The following NAA60 variants were observed in gnomAD, a reference collection of about 807,000 sequenced individuals.
NAA60 encodes the protein N-alpha-acetyltransferase 60, NatF catalytic subunit.
A neutral mutation model predicts 26.1 loss-of-function variants in NAA60; 8 were observed. The observed-to-expected ratio is 0.31, with a 90% CI of 0.18 to 0.55. The LOEUF (loss-of-function observed/expected upper bound fraction) is 0.55. Among genes scored for constraint, NAA60 ranks in the 20% least tolerant of loss-of-function variants. The probability of loss-of-function intolerance (pLI) is 0.93; values close to 1 mark genes in which losing one functional copy is unlikely to be tolerated. For synonymous variants in NAA60, 131 were observed against 122.5 expected (o/e 1.07, Z -0.46); for missense variants, 290 against 311.3 (o/e 0.93, Z 0.51).
intron 1 of NAA60, chr16:3,447,363 T>C (rs777831948): frequency 2.5e-4 from 134 of 536,580 alleles, no homozygotes; most frequent in Non-Finnish European, 3.1e-4. Flanking sequence ...ATGAAATATT[T>C]TGATGCAGGC....
chr16:3,474,539 A>T (rs954306205), intron 2 of NAA60, among the ~76,000 whole-genome samples: 1 of 152,196 alleles, frequency 6.6e-6, no homozygotes, highest in Non-Finnish European at 1.5e-5. Context: ...TTGTGCAGAA[A>T]CCTGGACAGT....
chr16:3,459,179 A>G (rs1284102270), intron 2 of NAA60, among the ~76,000 whole-genome samples: 1 of 152,206 alleles, frequency 6.6e-6, no homozygotes, highest in Non-Finnish European at 1.5e-5. Context: ...CCGTGTACAG[A>G]TGTTTGCCTT....
Position 3,484,780 on chromosome 16 carries a change from C to G in NAA60, c.654C>G (p.His218Gln), listed in dbSNP as rs34464545. ...SIPHRVYRQA[H>Q]SLLCSFLPWS... ...CGCACAGAGTCTACCGCCAGGCCCA[C>G]AGCCTGCTCTGCAGCTTCCTGCCAT... The change falls in exon 7 of 8, where the codon CAC (histidine) becomes CAG (glutamine). Residue 218 changes from histidine (H) to glutamine (Q), a missense_variant. Coordinates refer to ENST00000407558, the MANE Select transcript of NAA60 (RefSeq NM_001083601.3). The G allele has an allele frequency of 2.4e-3, 3,834 of 1,587,886 alleles. 75 individuals are homozygous for G. In the African/African-American group the frequency reaches 0.045, roughly 19 times the overall value.
At chr16:3,461,219 C>G (rs934098742) in intron 2 of NAA60, among the ~76,000 whole-genome samples, 8 of 150,120 alleles carry the variant, frequency 5.3e-5, no homozygotes, top group African/African-American at 1.7e-4. Flanking sequence ...GCTATGAACA[C>G]TAAGGCATTT....
intron 2 of NAA60, among the ~76,000 whole-genome samples, chr16:3,467,407 G>A (rs1265089678): frequency 6.6e-6 from 1 of 152,132 alleles, no homozygotes; most frequent in Non-Finnish European, 1.5e-5. Flanking sequence ...GGTCATGGAT[G>A]GAGGCCAGGA....
At chr16:3,469,052 C>T (rs1323698895) in intron 2 of NAA60, among the ~76,000 whole-genome samples, 1 of 151,030 alleles carries the variant, frequency 6.6e-6, no homozygotes, top group Non-Finnish European at 1.5e-5. Context: ...TGCCACTGCA[C>T]TCCAGCCTGG....
At chr16:3,463,345 A>C (rs1304903867) in intron 2 of NAA60, among the ~76,000 whole-genome samples, 1 of 151,640 alleles carries the variant, frequency 6.6e-6, no homozygotes. Flanking sequence ...CTCTGGAGTT[A>C]GAGACCAGCC....
intron 2 of NAA60, chr16:3,468,282 G>T (rs1232411186): frequency 6.6e-6 from 1 of 152,222 alleles, no homozygotes; most frequent in Non-Finnish European, 1.5e-5. Flanking sequence ...TAGAAAAGCA[G>T]GTCGGTGTGA....
chr16:3,474,135 T>G (rs1297364597), intron 2 of NAA60, among the ~76,000 whole-genome samples: 1 of 152,110 alleles, frequency 6.6e-6, no homozygotes, highest in Non-Finnish European at 1.5e-5. Flanking sequence ...TAGAGAGGCT[T>G]CTCCCTATAA....
rs946411575 is a variant in NAA60, at chr16:3,485,917, C to T, written c.*657C>T. 1 of 348,622 alleles carries T rather than the reference C, an allele frequency of 2.9e-6. No homozygotes were observed. The allele number at this position is 348,622 out of a possible 1,614,324, so 21.6% of individuals were successfully genotyped here. A position where few individuals can be genotyped will look rare whatever the true frequency, so the allele number is the denominator to read the frequency against. On this transcript the variant is annotated 3_prime_UTR_variant, in exon 8 of 8. Coordinates refer to ENST00000407558, the MANE Select transcript of NAA60 (RefSeq NM_001083601.3). ...AGGCGGTCACGCATCAGGACGGTTC[C>T]TACTCCTCAGCACCTTCCGTGCAGT... is the stretch of plus-strand genomic sequence containing the variant.
intron 4 of NAA60, among the ~76,000 whole-genome samples, chr16:3,480,159 T>C (rs1484478942): frequency 2.0e-5 from 3 of 152,016 alleles, no homozygotes; most frequent in Non-Finnish European, 4.4e-5. Context: ...AATGGTTGAG[T>C]TTAGTCAAGA....
At chr16:3,448,392 T>C in intron 1 of NAA60, 79 bp from the exon 2 acceptor site, 1 of 1,205,514 alleles carries the variant, frequency 8.3e-7, no homozygotes, top group African/African-American at 1.5e-5. Flanking sequence ...AGGGTTTGTC[T>C]GACACTCATT....
At chr16:3,476,398 C>A in intron 3 of NAA60, 61 bp downstream of exon 3, 1 of 1,395,482 alleles carries the variant, frequency 7.2e-7, no homozygotes, top group South Asian at 1.2e-5. Flanking sequence ...AGAAGCTGGG[C>A]GGCGGGGGTG....
chr16:3,471,012 G>A (rs1287749745), intron 2 of NAA60, among the ~76,000 whole-genome samples: 1 of 152,200 alleles, frequency 6.6e-6, no homozygotes, highest in Non-Finnish European at 1.5e-5. Context: ...AAACACGGAA[G>A]CACTTTTAGT....
chr16:3,444,432 T>A (rs1255071210), intron 1 of NAA60, among the ~76,000 whole-genome samples: 3 of 152,044 alleles, frequency 2.0e-5, no homozygotes, highest in Admixed American at 6.5e-5. Flanking sequence ...AAATTGCCAG[T>A]TTATAAAGGT....
chr16:3,454,316 G>A (rs559957139), intron 2 of NAA60, among the ~76,000 whole-genome samples: 10 of 152,292 alleles, frequency 6.6e-5, no homozygotes, highest in Non-Finnish European at 1.3e-4. Flanking sequence ...CCCACCACTG[G>A]GAGTGCCGTT....
chr16:3,471,671 G>A (rs2036156279), intron 2 of NAA60, among the ~76,000 whole-genome samples: 1 of 152,066 alleles, frequency 6.6e-6, no homozygotes, highest in Middle Eastern at 3.2e-3. Context: ...GGCTGGTTTC[G>A]CAGGTTGCCT....
At chr16:3,454,352 A>G (rs1337833203) in intron 2 of NAA60, among the ~76,000 whole-genome samples, 79 of 152,322 alleles carry the variant, frequency 5.2e-4, no homozygotes, top group Non-Finnish European at 5.9e-5. Flanking sequence ...ACCCATGGCC[A>G]GAGGGTGAAA....
intron 2 of NAA60, among the ~76,000 whole-genome samples, chr16:3,456,180 A>C (rs1444260989): frequency 1.3e-5 from 2 of 152,090 alleles, no homozygotes; most frequent in East Asian, 3.8e-4. Flanking sequence ...GTTTTTTCAA[A>C]CTGTACTGTG....
Sources: allele counts gnomAD v4.1 joint callset (sites outside exome capture counted in the v4.1 genomes callset), GRCh38; gene constraint gnomAD v4.1.1; transcripts MANE v1.5; gene names NCBI Gene and HGNC (gene_info 2026-07-23, HGNC 2026-07-21).